BID: variants seen among roughly 807,000 people sequenced by gnomAD.
The protein encoded by BID is BH3-interacting domain death agonist.
A neutral mutation model predicts 17.4 loss-of-function variants in BID; 19 were observed. That is an observed-to-expected ratio of 1.09 (90% CI 0.76 to 1.60). BID has a LOEUF of 1.60. Among genes scored for constraint, BID ranks in the 40% most tolerant of loss-of-function variants. BID has a pLI of 0.00. For synonymous variants in BID, 108 were observed against 102.8 expected, an observed-to-expected ratio of 1.05 and a Z score of -0.31; for missense variants, 226 against 256.0, an observed-to-expected ratio of 0.88 and a Z score of 0.80.
rs760965422 is a variant in BID at position 17,735,529 on chromosome 22, C to T, written c.*51G>A. 11 of 1,611,352 alleles carry T rather than the reference C, an allele frequency of 6.8e-6. No individual in the cohort carries two copies. Among genetic ancestry groups the T allele is most frequent in the Non-Finnish European group, 9.3e-6 (11 of 1,177,622 alleles). On this transcript the variant is annotated 3_prime_UTR_variant, in exon 6 of 6. Transcript: ENST00000622694. Reference sequence around the variant, plus strand: ...TCCGTCTACACTGGAAGCAGCTATACAGCTGTGACCACATCGAGCTTTAGC... The same window carrying T: ...TCCGTCTACACTGGAAGCAGCTATATAGCTGTGACCACATCGAGCTTTAGC...
Position 17,756,432 on chromosome 22 carries a change from C to CTTTCTTTCT in BID, c.-58-6259_-58-6258insAGAAAGAAA, listed in dbSNP as rs564601583. 5.8e-5 allele frequency among the ~76,000 whole-genome samples: 4 copies of CTTTCTTTCT among 69,286 alleles called. No homozygotes were observed. In the East Asian group the frequency reaches 5.6e-3, roughly 98 times the overall value. The allele number at this position is 69,286 out of a possible 152,430, so 45.5% of individuals were successfully genotyped here. On this transcript the variant is annotated intron_variant, in intron 1 of 5. Coordinates refer to ENST00000622694, the MANE Select transcript of BID (RefSeq NM_001196.4). ...TTTCTCTTTCTTTCTTTCTTTCTTT[C>CTTTCTTTCT]TTCTTTCTTTCTTTCTTTCTTTCTT...
chr22:17,738,053 C>T lies in BID; in HGVS notation c.540G>A (p.Gln180=). The T allele has an allele frequency of 6.2e-7, 1 of 1,614,194 alleles. No homozygotes were observed. The highest frequency in any genetic ancestry group is 8.5e-7 in the Non-Finnish European group (1 of 1,180,034). Residue 180 remains glutamine, a synonymous_variant, in exon 5 of 6, where the codon CAG becomes CAA. Transcript: ENST00000622694. ...VFHTTVNFIN[Q]NLRTYVRSLA... is the part of the protein sequence containing the mutation. Reference sequence around the variant, plus strand: ...AGCTCCTCACGTAGGTGCGTAGGTTCTGGTTAATAAAATTCACTGTTGTGT... The same window carrying T: ...AGCTCCTCACGTAGGTGCGTAGGTTTTGGTTAATAAAATTCACTGTTGTGT...
intron 1 of BID, among the ~76,000 whole-genome samples, chr22:17,766,905 A>C (rs1165276518): frequency 6.6e-6 from 1 of 151,736 alleles, no homozygotes; most frequent in Non-Finnish European, 1.5e-5. Flanking sequence ...TTTCTTTTTA[A>C]ATTTAAAGTC....
chr22:17,757,687 C>T (rs1156887414), intron 1 of BID, among the ~76,000 whole-genome samples: 21 of 143,330 alleles, frequency 1.5e-4, no homozygotes, highest in South Asian at 4.3e-4. Flanking sequence ...CCAGCCTGCG[C>T]GACAGAGCGA....
At chr22:17,737,790 G>A (rs1389634143) in intron 5 of BID, among the ~76,000 whole-genome samples, 1 of 152,182 alleles carries the variant, frequency 6.6e-6, no homozygotes, top group Non-Finnish European at 1.5e-5. Context: ...CCTCTGAATG[G>A]AGCATGTCTC....
At chr22:17,744,223 G>A (rs908303517) in intron 2 of BID, among the ~76,000 whole-genome samples, 2 of 152,194 alleles carry the variant, frequency 1.3e-5, no homozygotes, top group Admixed American at 6.5e-5. Context: ...TAGATGGCAG[G>A]GAGCGAGCCC....
At position 17,739,955 on chromosome 22, in the gene BID, C is replaced by A. The variant is rs1353095563; in HGVS notation, c.224-467G>T. Reference sequence around the variant, plus strand: ...CCTCGCAGTCCCGTCTCAGGAAAACCCCAGTTGTCACTGGCACCGGCAAGG... The same window carrying A: ...CCTCGCAGTCCCGTCTCAGGAAAACACCAGTTGTCACTGGCACCGGCAAGG... On this transcript the variant is annotated intron_variant, in intron 3 of 5. Transcript: ENST00000622694. 3 of 1,005,102 alleles carry A rather than the reference C, an allele frequency of 3.0e-6. No homozygotes were observed. In the African/African-American group the frequency reaches 4.8e-5, roughly 16 times the overall value. 62.3% of individuals were successfully genotyped at this position (1,005,102 alleles called of 1,614,324 possible).
At chr22:17,753,016 G>C (rs887508801) in intron 1 of BID, among the ~76,000 whole-genome samples, 1 of 140,758 alleles carries the variant, frequency 7.1e-6, no homozygotes, top group African/African-American at 2.7e-5. Flanking sequence ...ACCCAGGCTG[G>C]AGTGCAGTGG....
At chr22:17,736,011 T>C (rs1182567235) in intron 5 of BID, among the ~76,000 whole-genome samples, 1 of 152,220 alleles carries the variant, frequency 6.6e-6, no homozygotes, top group African/African-American at 2.4e-5. Flanking sequence ...AATGCCTGAT[T>C]TAAGATTTAT....
chr22:17,770,169 C>A (rs2061708994), intron 1 of BID, among the ~76,000 whole-genome samples: 1 of 152,102 alleles, frequency 6.6e-6, no homozygotes, highest in South Asian at 2.1e-4. Context: ...TACAAAAACA[C>A]CAGAACCCCA....
Position 17,746,826 on chromosome 22 carries a change from T to C in BID, c.13-2813A>G, listed in dbSNP as rs538212313. ...CCCAGAAGGAAGCAGCCGGGCAACA[T>C]GGGATTCCAGCCTTTGGGCCTCTAG... On this transcript the variant is annotated intron_variant, in intron 2 of 5. Coordinates refer to ENST00000622694, the MANE Select transcript of BID (RefSeq NM_001196.4). Among the ~76,000 whole-genome samples the C allele has an allele frequency of 7.9e-5, 12 of 152,176 alleles. No individual in the cohort carries two copies. In the South Asian group the frequency reaches 2.3e-3, roughly 29 times the overall value.
At chr22:17,749,160 C>A (rs2061518024) in intron 2 of BID, among the ~76,000 whole-genome samples, 1 of 152,156 alleles carries the variant, frequency 6.6e-6, no homozygotes, top group African/African-American at 2.4e-5. Context: ...GCGTGAGGCG[C>A]CCAGAGGCTG....
At chr22:17,774,036 G>GCCCCTC (rs1357054230) in intron 1 of BID, 2 of 384,428 alleles carry the variant, frequency 5.2e-6, no homozygotes, top group Non-Finnish European at 9.6e-6. Flanking sequence ...GCTGGCCTCG[G>GCCCCTC]CCCCTCCCCC....
At chr22:17,772,011 C>G (rs189132878) in intron 1 of BID, among the ~76,000 whole-genome samples, 10 of 152,328 alleles carry the variant, frequency 6.6e-5, no homozygotes, top group Non-Finnish European at 1.5e-4. Flanking sequence ...ATGCTCAGAG[C>G]TGAGACCCTG....
chr22:17,761,577 G>A (rs111852547), intron 1 of BID, among the ~76,000 whole-genome samples: 67 of 151,962 alleles, frequency 4.4e-4, no homozygotes, highest in South Asian at 1.2e-3. Flanking sequence ...GACTACAGGC[G>A]CCCGCCACCA....
At chr22:17,741,391 G>A (rs2061458042) in intron 3 of BID, among the ~76,000 whole-genome samples, 1 of 152,002 alleles carries the variant, frequency 6.6e-6, no homozygotes, top group Non-Finnish European at 1.5e-5. Context: ...CTGCTTAAGT[G>A]ACAAGTCATG....
chr22:17,750,084 G>T, intron 2 of BID, 21 bp downstream of exon 2: 16 of 1,610,848 alleles, frequency 9.9e-6, no homozygotes, highest in Non-Finnish European at 1.3e-5. Context: ...CAAGGCACCC[G>T]CAGGGGATCT....
At chr22:17,766,528 G>A (rs2061679836) in intron 1 of BID, among the ~76,000 whole-genome samples, 1 of 152,080 alleles carries the variant, frequency 6.6e-6, no homozygotes, top group East Asian at 1.9e-4. Context: ...TGATCGACCC[G>A]CCTCGGCCTC....
intron 1 of BID, among the ~76,000 whole-genome samples, chr22:17,750,735 G>C (rs1363787251): frequency 1.3e-5 from 2 of 152,114 alleles, no homozygotes; most frequent in Non-Finnish European, 2.9e-5. Context: ...GGCTGAGGCA[G>C]GAGAATGGCA....
Sources: allele counts gnomAD v4.1 joint callset (sites outside exome capture counted in the v4.1 genomes callset), GRCh38; gene constraint gnomAD v4.1.1; transcripts MANE v1.5; gene names NCBI Gene and HGNC (gene_info 2026-07-23, HGNC 2026-07-21).